KLHL29: variants seen among roughly 807,000 people sequenced by gnomAD.
KLHL29 encodes the protein kelch like family member 29, also known as kelch-like protein 29.
In KLHL29, 21 loss-of-function variants were observed where a neutral mutation model predicts 80.4. The observed-to-expected ratio is 0.26, with a 90% CI of 0.19 to 0.38. The LOEUF is 0.38. KLHL29 is among the 10% of genes least tolerant of loss of function. The pLI is 1.00. For synonymous variants in KLHL29, 511 were observed against 526.8 expected, an observed-to-expected ratio of 0.97 and a Z score of 0.41; for missense variants, 867 against 1,223.9, an observed-to-expected ratio of 0.71 and a Z score of 4.35.
At chr2:23,569,717 T>TA (rs1237684450) in intron 3 of KLHL29, among the ~76,000 whole-genome samples, 1 of 152,200 alleles carries the variant, frequency 6.6e-6, no homozygotes. Flanking sequence ...TCTGTAATGC[T>TA]AAAAATAACT....
At chr2:23,509,713 G>A (rs1427485100) in intron 2 of KLHL29, among the ~76,000 whole-genome samples, 3 of 152,086 alleles carry the variant, frequency 2.0e-5, no homozygotes, top group African/African-American at 4.8e-5. Flanking sequence ...ATTAAAACTC[G>A]AGTAATCCTA....
chr2:23,634,665 G>T (rs538725510), intron 3 of KLHL29, among the ~76,000 whole-genome samples: 2 of 152,282 alleles, frequency 1.3e-5, no homozygotes, highest in South Asian at 4.1e-4. Flanking sequence ...AATGAGTTCT[G>T]CTGGTCAGTG....
intron 2 of KLHL29, among the ~76,000 whole-genome samples, chr2:23,557,928 C>T (rs1667340556): frequency 6.6e-6 from 1 of 152,122 alleles, no homozygotes; most frequent in Non-Finnish European, 1.5e-5. Context: ...AAGATTCACG[C>T]CCCCAGTATG....
intron 3 of KLHL29, among the ~76,000 whole-genome samples, chr2:23,612,376 T>C (rs2103530691): frequency 6.6e-6 from 1 of 152,320 alleles, no homozygotes; most frequent in Non-Finnish European, 1.5e-5. Flanking sequence ...CTATACCCAG[T>C]GAAAATGCCC....
chr2:23,553,653 A>G (rs1352389809), intron 2 of KLHL29, among the ~76,000 whole-genome samples: 2 of 152,194 alleles, frequency 1.3e-5, no homozygotes, highest in African/African-American at 4.8e-5. Flanking sequence ...AGGGCAATAT[A>G]AATGCAGACG....
chr2:23,431,872 A>G (rs1301575968), intron 1 of KLHL29, among the ~76,000 whole-genome samples: 1 of 144,674 alleles, frequency 6.9e-6, no homozygotes, highest in African/African-American at 2.6e-5. Flanking sequence ...ACTGTACTCC[A>G]GCCTGGGCGA....
At position 23,491,354 on chromosome 2, in the gene KLHL29, G is replaced by A. The variant is rs150841959; in HGVS notation, c.-46+15687G>A. 9.2e-3 allele frequency among the ~76,000 whole-genome samples: 1,396 copies of A among 152,270 alleles called. 22 individuals carry two copies. The highest frequency in any genetic ancestry group is 0.031 in the African/African-American group (1,285 of 41,532). ...ACTGGCCTTTAGTACAGGGACCTGC[G>A]CGAATGTGGTCTGGTGGTTCAGTAT... On this transcript the variant is annotated intron_variant, in intron 2 of 13. Coordinates refer to ENST00000486442, the MANE Select transcript of KLHL29 (RefSeq NM_052920.2).
chr2:23,655,813 C>T (rs1670228861), intron 5 of KLHL29, among the ~76,000 whole-genome samples: 1 of 151,598 alleles, frequency 6.6e-6, no homozygotes, highest in South Asian at 2.1e-4. Flanking sequence ...GGTGTGTAGA[C>T]CTGGAACTGA....
intron 5 of KLHL29, among the ~76,000 whole-genome samples, chr2:23,653,250 C>T (rs917566194): frequency 6.6e-6 from 1 of 152,182 alleles, no homozygotes; most frequent in Admixed American, 6.5e-5. Context: ...TATCACATTT[C>T]CCCCAGAAAC....
intron 2 of KLHL29, among the ~76,000 whole-genome samples, chr2:23,546,030 A>T (rs1353450736): frequency 6.6e-6 from 1 of 152,230 alleles, no homozygotes; most frequent in Non-Finnish European, 1.5e-5. Context: ...GGGCTGAGCC[A>T]AGAGCAGATG....
chr2:23,389,827 G>A (rs559575924), intron 1 of KLHL29, among the ~76,000 whole-genome samples: 1 of 152,290 alleles, frequency 6.6e-6, no homozygotes, highest in East Asian at 1.9e-4. Context: ...TGTAGTTTGT[G>A]TAGAAGATAG....
In KLHL29 at chr2:23,591,238, AG is replaced by A. The variant is rs572928469; in HGVS notation, c.285+28759del. ...GAGGGAGGGGTGAGGAACAGACAAG[AG>A]GCCGGTGCCCTTGGGGCAATTTAGC... On this transcript the variant is annotated intron_variant, in intron 3 of 13. Coordinates refer to ENST00000486442, the MANE Select transcript of KLHL29 (RefSeq NM_052920.2). Among the ~76,000 whole-genome samples the A allele has an allele frequency of 8.5e-5, 13 of 152,232 alleles. No homozygotes were observed. The East Asian group carries it at 2.3e-3, about 27-fold the overall frequency.
intron 1 of KLHL29, among the ~76,000 whole-genome samples, chr2:23,418,183 G>T (rs1662652429): frequency 6.6e-6 from 1 of 152,166 alleles, no homozygotes; most frequent in Admixed American, 6.5e-5. Context: ...AACTGAAGAG[G>T]CCTTGTGCTT....
chr2:23,543,898 AC>A (rs1666915152), intron 2 of KLHL29, among the ~76,000 whole-genome samples: 1 of 152,006 alleles, frequency 6.6e-6, no homozygotes, highest in South Asian at 2.1e-4. Flanking sequence ...AAGCCTGCCC[AC>A]CCCGGGCTGG....
rs141024729 is a variant in KLHL29 at position 23,537,236 on chromosome 2, T to G, written c.-45-24916T>G. On this transcript the variant is annotated intron_variant, in intron 2 of 13. Coordinates refer to ENST00000486442, the MANE Select transcript of KLHL29 (RefSeq NM_052920.2). ...TGCCACCACCCTTCATGGGCAGTGC[T>G]GCCGCTTCTGTGCCCCTGGCTACCC... is the stretch of plus-strand genomic sequence containing the variant. Among the ~76,000 whole-genome samples, 284 of 152,302 alleles carry G rather than the reference T, an allele frequency of 1.9e-3. 2 individuals carry two copies. Among genetic ancestry groups the G allele is most frequent in the African/African-American group, 6.5e-3 (270 of 41,570 alleles).
intron 1 of KLHL29, among the ~76,000 whole-genome samples, chr2:23,466,826 A>G (rs1006319516): frequency 6.6e-6 from 1 of 152,156 alleles, no homozygotes; most frequent in Non-Finnish European, 1.5e-5. Context: ...CTTACTAGGG[A>G]GGGGAGAGGA....
intron 2 of KLHL29, among the ~76,000 whole-genome samples, chr2:23,512,672 A>G (rs1230291552): frequency 2.0e-5 from 3 of 152,160 alleles, no homozygotes; most frequent in Non-Finnish European, 4.4e-5. Flanking sequence ...TAACAAATCC[A>G]TTTTCCTTAT....
chr2:23,401,291 T>C (rs1666593369), intron 1 of KLHL29, among the ~76,000 whole-genome samples: 1 of 152,186 alleles, frequency 6.6e-6, no homozygotes, highest in South Asian at 2.1e-4. Context: ...AGAGAAAAAG[T>C]ATTTATGCCG....
At chr2:23,515,359 A>G (rs764239262) in intron 2 of KLHL29, among the ~76,000 whole-genome samples, 6 of 152,200 alleles carry the variant, frequency 3.9e-5, no homozygotes, top group Non-Finnish European at 8.8e-5. Context: ...CCTGAGCACA[A>G]CATACATGCT....
Sources: allele counts gnomAD v4.1 joint callset (sites outside exome capture counted in the v4.1 genomes callset), GRCh38; gene constraint gnomAD v4.1.1; transcripts MANE v1.5; gene names NCBI Gene and HGNC (gene_info 2026-07-23, HGNC 2026-07-21).